Variants in PPFIA2 observed in about 807,000 individuals in gnomAD.
PPFIA2 encodes the protein liprin-alpha-2.
PPFIA2 carries 46 observed loss-of-function variants against 175.5 expected under a neutral mutation model. The observed-to-expected ratio is 0.26, with a 90% CI of 0.21 to 0.34. The LOEUF (loss-of-function observed/expected upper bound fraction) is 0.34. Among genes scored for constraint, PPFIA2 ranks in the 10% least tolerant of loss-of-function variants. PPFIA2 has a pLI of 1.00. For missense variants in PPFIA2, 1,179 were observed against 1,506.1 expected (o/e 0.78, Z 3.60); for synonymous variants, 568 against 511.4 (o/e 1.11, Z -1.49).
At chr12:81,584,901 ATAATAT>A (rs1386682067) in intron 4 of PPFIA2, among the ~76,000 whole-genome samples, 1 of 121,978 alleles carries the variant, frequency 8.2e-6, no homozygotes, top group Non-Finnish European at 1.6e-5. Flanking sequence ...ATATTTATAT[ATAATAT>A]ATTATATATT....
At chr12:81,519,436 G>C (rs183952266) in intron 4 of PPFIA2, among the ~76,000 whole-genome samples, 3 of 152,238 alleles carry the variant, frequency 2.0e-5, no homozygotes, top group African/African-American at 7.2e-5. Context: ...AATAGGAAAT[G>C]GAGAAGAAAA....
intron 3 of PPFIA2, among the ~76,000 whole-genome samples, chr12:81,736,821 TA>T (rs2081637649): frequency 6.6e-6 from 1 of 151,986 alleles, no homozygotes; most frequent in Non-Finnish European, 1.5e-5. Context: ...CAGTTCACTG[TA>T]ACCTCAAACT....
intron 4 of PPFIA2, among the ~76,000 whole-genome samples, chr12:81,574,008 T>C (rs1215152922): frequency 6.6e-6 from 1 of 151,918 alleles, no homozygotes; most frequent in Non-Finnish European, 1.5e-5. Context: ...ACTTAATATG[T>C]CCAGATCTGA....
intron 18 of PPFIA2, among the ~76,000 whole-genome samples, chr12:81,344,945 A>C (rs920167979): frequency 1.6e-4 from 25 of 152,302 alleles, no homozygotes; most frequent in African/African-American, 5.5e-4. Flanking sequence ...CAGGCACTGG[A>C]TACGAGGCAT....
intron 7 of PPFIA2, among the ~76,000 whole-genome samples, chr12:81,412,016 G>C (rs2044054644): frequency 6.6e-6 from 1 of 151,812 alleles, no homozygotes; most frequent in Non-Finnish European, 1.5e-5. Flanking sequence ...CAAATATTGA[G>C]ATTTATAACA....
intron 4 of PPFIA2, among the ~76,000 whole-genome samples, chr12:81,481,339 G>A (rs1439131508): frequency 6.6e-6 from 1 of 152,122 alleles, no homozygotes; most frequent in Non-Finnish European, 1.5e-5. Context: ...TAGATTCAAT[G>A]CTATTCCCAT....
chr12:81,613,787 T>C (rs1459256896), intron 4 of PPFIA2, among the ~76,000 whole-genome samples: 1 of 152,164 alleles, frequency 6.6e-6, no homozygotes, highest in African/African-American at 2.4e-5. Context: ...ATTTAGGAAA[T>C]GTTAAAGACA....
At position 81,743,411 on chromosome 12, in the gene PPFIA2, C is replaced by CAAAAAAA. The variant is rs772497730; in HGVS notation, c.249+10555_249+10561dup. ...CGGGCCACAGAGTGAGACTCCGTCT[C>CAAAAAAA]AAAAAAAAAAAAAAAAAAAAAAAAA... is the stretch of plus-strand genomic sequence containing the variant. On this transcript the variant is annotated intron_variant, in intron 3 of 32. Transcript: ENST00000549396. Among the ~76,000 whole-genome samples, 42 of 24,864 alleles carry CAAAAAAA rather than the reference C, an allele frequency of 1.7e-3. 11 individuals are homozygous for CAAAAAAA. Among genetic ancestry groups the CAAAAAAA allele is most frequent in the Non-Finnish European group, 2.2e-3 (34 of 15,502 alleles). 16.3% of individuals were successfully genotyped at this position (24,864 alleles called of 152,430 possible). A position where few individuals can be genotyped will look rare whatever the true frequency, so the allele number is the denominator to read the frequency against.
chr12:81,604,745 ATTTCTTAAGATGTATCT>A (rs1253305938), intron 4 of PPFIA2, among the ~76,000 whole-genome samples: 1 of 151,730 alleles, frequency 6.6e-6, no homozygotes, highest in Non-Finnish European at 1.5e-5. Context: ...ACTACCAAAA[ATTTCTTAAGATGTATCT>A]TTTCCAAGAG....
chr12:81,476,481 T>A (rs969311030), intron 4 of PPFIA2, among the ~76,000 whole-genome samples: 3 of 152,214 alleles, frequency 2.0e-5, no homozygotes, highest in African/African-American at 7.2e-5. Flanking sequence ...AGACACATGA[T>A]TAAATGTGAC....
At chr12:81,269,608 T>G (rs1407104247) in intron 28 of PPFIA2, among the ~76,000 whole-genome samples, 1 of 152,232 alleles carries the variant, frequency 6.6e-6, no homozygotes, top group African/African-American at 2.4e-5. Flanking sequence ...AGAGGTCCCC[T>G]CATGCAACTT....
chr12:81,521,666 A>G (rs1053775402), intron 4 of PPFIA2, among the ~76,000 whole-genome samples: 5 of 151,196 alleles, frequency 3.3e-5, no homozygotes, highest in African/African-American at 1.2e-4. Flanking sequence ...AAAAAAAAAA[A>G]AAAAATAGCC....
intron 4 of PPFIA2, among the ~76,000 whole-genome samples, chr12:81,522,007 T>C (rs926266956): frequency 6.6e-6 from 1 of 152,186 alleles, no homozygotes; most frequent in Admixed American, 6.5e-5. Flanking sequence ...CATTTACCTA[T>C]TGGAATAAAG....
intron 22 of PPFIA2, among the ~76,000 whole-genome samples, chr12:81,303,118 A>G (rs900817092): frequency 3.3e-5 from 5 of 152,188 alleles, no homozygotes; most frequent in African/African-American, 1.2e-4. Flanking sequence ...AAAGGGATTT[A>G]GTCTGGAATG....
chr12:81,282,718 T>C (rs1469389250), intron 26 of PPFIA2: 2 of 234,708 alleles, frequency 8.5e-6, no homozygotes, highest in Non-Finnish European at 1.7e-5. Flanking sequence ...ATTAAATATA[T>C]ACAGGAGTGA....
intron 21 of PPFIA2, among the ~76,000 whole-genome samples, chr12:81,331,145 T>C (rs1429558463): frequency 6.6e-6 from 1 of 152,228 alleles, no homozygotes; most frequent in East Asian, 1.9e-4. Flanking sequence ...CTGTTAATGA[T>C]GGGCTGCATT....
rs951042118 is a variant in PPFIA2, at chr12:81,369,486, A to G, written c.1267-292T>C. 1.2e-4 allele frequency: 149 copies of G among 1,212,282 alleles called. 1 individual carries two copies. Among genetic ancestry groups the G allele is most frequent in the South Asian group, 4.4e-4 (27 of 61,638 alleles). The allele number at this position is 1,212,282 out of a possible 1,614,324, so 75.1% of individuals were successfully genotyped here. ...TTGAACACAAACCTGCCATTGTCCA[A>G]TCTTAAGCTCCTGAAGCACTGAACT... On this transcript the variant is annotated intron_variant, in intron 11 of 32. Transcript: ENST00000549396.
At chr12:81,515,966 G>T (rs2062376215) in intron 4 of PPFIA2, among the ~76,000 whole-genome samples, 1 of 111,614 alleles carries the variant, frequency 9.0e-6, no homozygotes, top group African/African-American at 3.6e-5. Context: ...CTCCCAGCAT[G>T]CCAAATTTTT....
In PPFIA2 at chr12:81,339,304, G is replaced by C; in HGVS notation, c.2424C>G (p.Ser808Arg). 2.5e-6 allele frequency: 4 copies of C among 1,604,764 alleles called. No individual in the cohort carries two copies. Among genetic ancestry groups the C allele is most frequent in the Non-Finnish European group, 3.4e-6 (4 of 1,175,860 alleles). Residue 808 changes from serine (S) to arginine (R), a missense_variant, in exon 21 of 33, where the codon AGC becomes AGG. This residue lies in a region of PPFIA2 where 223 missense variants were observed against 241.6 expected (regional missense o/e 0.92). Transcript: ENST00000549396. ...SSLSVSLEPE[S>R]LGLGSANSSQ... Reference sequence around the variant, plus strand: ...TGCTGTTGGCACTACCAAGCCCGAGGCTTTCTGGCTCAAGAGAGACAGATA... The same window carrying C: ...TGCTGTTGGCACTACCAAGCCCGAGCCTTTCTGGCTCAAGAGAGACAGATA...
Sources: allele counts gnomAD v4.1 joint callset (sites outside exome capture counted in the v4.1 genomes callset), GRCh38; gene constraint gnomAD v4.1.1; regional missense constraint gnomAD v4.1.1; transcripts MANE v1.5; gene names NCBI Gene and HGNC (gene_info 2026-07-23, HGNC 2026-07-21).